TPRG1: variants seen among roughly 807,000 people sequenced by gnomAD.
TPRG1 encodes tumor protein p63 regulated 1, also known as tumor protein p63-regulated gene 1 protein.
In TPRG1, 29 loss-of-function variants were observed where a neutral mutation model predicts 29.3. The ratio of observed to expected loss-of-function variants is 0.99; its 90% CI spans 0.74 to 1.35. The LOEUF (loss-of-function observed/expected upper bound fraction) is 1.35, where lower values mean the gene tolerates loss of function less well. TPRG1 is among the 40% of genes most tolerant of loss of function. The pLI is 0.00. For missense variants in TPRG1, 327 were observed against 335.0 expected, an observed-to-expected ratio of 0.98 and a Z score of 0.19; for synonymous variants, 130 against 116.8, an observed-to-expected ratio of 1.11 and a Z score of -0.73.
chr3:189,107,393 G>T (rs1488253231), intron 1 of TPRG1, among the ~76,000 whole-genome samples: 1 of 152,154 alleles, frequency 6.6e-6, no homozygotes, highest in Non-Finnish European at 1.5e-5. Flanking sequence ...TGTCCAAAGA[G>T]TGGCTTAAAA....
intron 4 of TPRG1, among the ~76,000 whole-genome samples, chr3:189,033,587 C>CT (rs376228279): frequency 1.6e-3 from 237 of 144,880 alleles, no homozygotes; most frequent in African/African-American, 3.0e-3. Context: ...TCTTCTACTC[C>CT]TTTTTTTTTT....
intron 4 of TPRG1, among the ~76,000 whole-genome samples, chr3:189,255,288 T>C (rs1445167061): frequency 6.6e-6 from 1 of 152,162 alleles, no homozygotes; most frequent in East Asian, 1.9e-4. Context: ...AATCATGTGG[T>C]TTTTGTCACT....
At chr3:189,069,862 G>A (rs1716701696) in intron 4 of TPRG1, among the ~76,000 whole-genome samples, 1 of 148,050 alleles carries the variant, frequency 6.8e-6, no homozygotes. Flanking sequence ...ATACCAGCAC[G>A]AGGTCAAGAG....
intron 1 of TPRG1, among the ~76,000 whole-genome samples, chr3:189,118,543 G>A (rs1167852116): frequency 6.6e-6 from 1 of 152,196 alleles, no homozygotes. Flanking sequence ...CCTGTCACAG[G>A]CCTGGAGGCC....
At chr3:189,111,116 A>G (rs1018627357) in intron 1 of TPRG1, among the ~76,000 whole-genome samples, 8 of 115,636 alleles carry the variant, frequency 6.9e-5, no homozygotes, top group African/African-American at 4.7e-4. Context: ...AAACAAACAA[A>G]CAAAAAAAAT....
At chr3:189,095,699 C>T (rs146289910), upstream of TPRG1, among the ~76,000 whole-genome samples, 150 of 152,242 alleles carry the variant, frequency 9.9e-4, no homozygotes, top group African/African-American at 3.2e-3. Context: ...TAAGTCTCTG[C>T]GGGCAAAAAC....
chr3:189,187,948 G>A (rs1038672514), intron 1 of TPRG1, among the ~76,000 whole-genome samples: 2 of 152,178 alleles, frequency 1.3e-5, no homozygotes, highest in African/African-American at 4.8e-5. Context: ...AATGTTGTAT[G>A]TAAATCAAAA....
At chr3:189,154,734 T>A (rs1726431604) in intron 5 of TPRG1, among the ~76,000 whole-genome samples, 1 of 152,152 alleles carries the variant, frequency 6.6e-6, no homozygotes. Context: ...GGAGCCACTG[T>A]GCCCAGCCTG....
intron 4 of TPRG1, among the ~76,000 whole-genome samples, chr3:189,085,401 C>T (rs994810075): frequency 1.2e-4 from 18 of 151,840 alleles, no homozygotes; most frequent in Non-Finnish European, 2.6e-4. Context: ...GCGGTGGATA[C>T]ACATTTTCAT....
At chr3:189,195,312 A>G (rs1732355892) in intron 1 of TPRG1, among the ~76,000 whole-genome samples, 1 of 152,154 alleles carries the variant, frequency 6.6e-6, no homozygotes, top group Non-Finnish European at 1.5e-5. Context: ...TGGCTAAAGT[A>G]CTATTTCCCA....
chr3:189,275,455 C>A (rs1396801177), intron 4 of TPRG1, among the ~76,000 whole-genome samples: 3 of 151,886 alleles, frequency 2.0e-5, no homozygotes, highest in Non-Finnish European at 4.4e-5. Flanking sequence ...TGCATCTGGG[C>A]AACACAAAGG....
Position 189,090,311 on chromosome 3 carries a change from C to T in TPRG1, c.-462-36746C>T, listed in dbSNP as rs561331523. On this transcript the variant is annotated intron_variant, in intron 4 of 10. Coordinates refer to the TPRG1 transcript ENST00000433971. ...TTTGGAGAGGATGGATAATGTTTGT[C>T]GTTAATTTCTAACTGTACTGCTTTA... Among the ~76,000 whole-genome samples, 5 of 152,094 alleles carry T rather than the reference C, an allele frequency of 3.3e-5. No homozygotes were observed. The East Asian group carries it at 5.8e-4, about 18-fold the overall frequency.
At chr3:189,298,665 A>C (rs889047927) in intron 4 of TPRG1, among the ~76,000 whole-genome samples, 3 of 152,210 alleles carry the variant, frequency 2.0e-5, no homozygotes, top group African/African-American at 7.2e-5. Context: ...CTTGCTCAAC[A>C]GTTTGAATGA....
intron 4 of TPRG1, among the ~76,000 whole-genome samples, chr3:189,300,327 T>C (rs1490926950): frequency 3.3e-5 from 5 of 152,206 alleles, no homozygotes; most frequent in African/African-American, 1.2e-4. Context: ...ATAATGTATG[T>C]AGATGTCTTA....
intron 4 of TPRG1, among the ~76,000 whole-genome samples, chr3:189,259,514 G>A (rs183464532): frequency 7.0e-6 from 1 of 142,948 alleles, no homozygotes; most frequent in Non-Finnish European, 1.5e-5. Context: ...GCCCAGGCTG[G>A]AATGCAGTAG....
intron 3 of TPRG1, among the ~76,000 whole-genome samples, chr3:189,227,647 A>C (rs1737969871): frequency 2.0e-5 from 3 of 152,206 alleles, no homozygotes; most frequent in South Asian, 4.1e-4. Context: ...CAATCATTGT[A>C]AATTTGTAAC....
At chr3:189,070,677 TA>T (rs1201628468) in intron 4 of TPRG1, among the ~76,000 whole-genome samples, 1 of 152,114 alleles carries the variant, frequency 6.6e-6, no homozygotes, top group African/African-American at 2.4e-5. Context: ...ACAGTTTTAT[TA>T]AAAAAATTCT....
chr3:189,204,301 A>T (rs887413292), intron 1 of TPRG1, among the ~76,000 whole-genome samples: 4 of 151,998 alleles, frequency 2.6e-5, no homozygotes, highest in Admixed American at 2.6e-4. Context: ...ATTTCACGGA[A>T]TACAGCCTAT....
chr3:189,251,313 C>T (rs751962569), intron 4 of TPRG1, among the ~76,000 whole-genome samples: 8 of 152,050 alleles, frequency 5.3e-5, no homozygotes, highest in Admixed American at 2.6e-4. Flanking sequence ...AAAGGGGTGA[C>T]GGCAAGAGAC....
Sources: gnomAD v4.1 joint callset for allele counts (sites outside exome capture counted in the v4.1 genomes callset) on GRCh38, gnomAD v4.1.1 for gene constraint, MANE v1.5 for transcripts, NCBI Gene and HGNC (gene_info 2026-07-23, HGNC 2026-07-21) for gene names.